Variants in PTPRN2 observed in about 807,000 individuals in gnomAD.
PTPRN2 encodes the protein protein tyrosine phosphatase receptor type N2.
Under a neutral mutation model 118.8 loss-of-function variants are expected in PTPRN2, and 74 were observed. That is an observed-to-expected ratio of 0.62 (90% CI 0.52 to 0.76). The LOEUF is 0.76. Among genes scored for constraint, PTPRN2 ranks in the 30% least tolerant of loss-of-function variants. The probability of loss-of-function intolerance (pLI) is 0.00; values close to 1 mark genes in which losing one functional copy is unlikely to be tolerated. For missense variants in PTPRN2, 1,481 were observed against 1,394.4 expected (o/e 1.06, Z -0.99); for synonymous variants, 641 against 608.0 (o/e 1.05, Z -0.80).
chr7:157,560,233 G>T lies in PTPRN2; in HGVS notation c.2902+8669C>A, dbSNP rs1472557442. On this transcript the variant is annotated intron_variant, in intron 21 of 22. Transcript: ENST00000389418. The surrounding 1 kb of genome is among the most constrained non-coding windows in gnomAD (Gnocchi z 6.7). ...AGGGTCAGCCTGACCCCTTGAAGGT[G>T]GGAGACCCCTTGAAGGTGGGAGACC... Among the ~76,000 whole-genome samples the T allele has an allele frequency of 1.3e-5, 2 of 152,112 alleles. No homozygotes were observed. The highest frequency in any genetic ancestry group is 4.8e-5 in the African/African-American group (2 of 41,422).
At chr7:158,549,109 G>A (rs1046651051) in intron 1 of PTPRN2, among the ~76,000 whole-genome samples, 1 of 152,374 alleles carries the variant, frequency 6.6e-6, no homozygotes, top group South Asian at 2.1e-4. Flanking sequence ...CATCCAAGGC[G>A]AGCACAAGCG....
intron 11 of PTPRN2, among the ~76,000 whole-genome samples, chr7:158,073,015 C>T (rs1812058068): frequency 6.6e-6 from 1 of 152,120 alleles, no homozygotes; most frequent in Admixed American, 6.5e-5. Context: ...AGCTACAGGG[C>T]AGGACTCCTG....
Position 157,780,833 on chromosome 7 carries a change from G to A in PTPRN2, c.1789-97896C>T, listed in dbSNP as rs978540827. On this transcript the variant is annotated intron_variant, in intron 12 of 22. Coordinates refer to ENST00000389418, the MANE Select transcript of PTPRN2 (RefSeq NM_002847.5). The surrounding 1 kb of genome is among the most constrained non-coding windows in gnomAD (Gnocchi z 4.5). ...TGCCTCATCCGTGATGAGCTGCCCC[G>A]CGGGTCCCCACAGATCAATCAGGAC... 3.9e-5 allele frequency among the ~76,000 whole-genome samples: 6 copies of A among 152,142 alleles called. No individual in the cohort carries two copies. Among genetic ancestry groups the A allele is most frequent in the East Asian group, 1.9e-4 (1 of 5,180 alleles).
chr7:157,757,949 G>A (rs1263082630), intron 12 of PTPRN2, among the ~76,000 whole-genome samples: 1 of 152,228 alleles, frequency 6.6e-6, no homozygotes, highest in Non-Finnish European at 1.5e-5. Flanking sequence ...CAGCTCTCTG[G>A]TGCACTGAAA....
chr7:158,157,727 G>A (rs574071967), intron 6 of PTPRN2, among the ~76,000 whole-genome samples: 11 of 151,892 alleles, frequency 7.2e-5, no homozygotes, highest in Middle Eastern at 3.4e-3. Context: ...CCCTGTTCCC[G>A]CTATATAAGC....
intron 3 of PTPRN2, among the ~76,000 whole-genome samples, chr7:158,216,017 T>C (rs996255897): frequency 2.7e-5 from 4 of 149,464 alleles, no homozygotes; most frequent in Non-Finnish European, 5.9e-5. Flanking sequence ...TTAAACACCA[T>C]ACTACTGTCT....
At chr7:158,411,614 C>A (rs143198924) in intron 2 of PTPRN2, among the ~76,000 whole-genome samples, 2 of 152,334 alleles carry the variant, frequency 1.3e-5, no homozygotes, top group African/African-American at 4.8e-5. Flanking sequence ...AGAACTCACT[C>A]GCTGTCCTTG....
At chr7:157,888,993 T>C (rs1295415853) in intron 12 of PTPRN2, among the ~76,000 whole-genome samples, 1 of 152,226 alleles carries the variant, frequency 6.6e-6, no homozygotes, top group African/African-American at 2.4e-5. Context: ...GGGTAAGGGA[T>C]ACATGAGACT....
intron 11 of PTPRN2, among the ~76,000 whole-genome samples, chr7:157,998,617 G>A (rs1804966701): frequency 6.6e-6 from 1 of 152,186 alleles, no homozygotes. Context: ...GAAGTCAGGA[G>A]ATCGAGACCA....
intron 2 of PTPRN2, among the ~76,000 whole-genome samples, chr7:158,413,651 G>A (rs1403594321): frequency 6.6e-6 from 1 of 152,256 alleles, no homozygotes; most frequent in Non-Finnish European, 1.5e-5. Context: ...CCTCTCCCGG[G>A]AGGACTAACA....
intron 13 of PTPRN2, among the ~76,000 whole-genome samples, chr7:157,678,637 C>CCGAGA (rs1360987975): frequency 2.0e-5 from 3 of 152,192 alleles, no homozygotes; most frequent in African/African-American, 7.2e-5. Flanking sequence ...GCAGCAGCGA[C>CCGAGA]CGAGACGTGC....
chr7:158,144,076 G>A (rs969915337), intron 6 of PTPRN2, among the ~76,000 whole-genome samples: 2 of 152,202 alleles, frequency 1.3e-5, no homozygotes, highest in African/African-American at 4.8e-5. Context: ...TCTTCTGCAA[G>A]GCCCTGTGTT....
At chr7:158,294,234 T>C (rs145049679) in intron 3 of PTPRN2, among the ~76,000 whole-genome samples, 97 of 152,328 alleles carry the variant, frequency 6.4e-4, no homozygotes, top group African/African-American at 2.1e-3. Flanking sequence ...GTGGAAACAT[T>C]GTTATGTTGT....
intron 11 of PTPRN2, among the ~76,000 whole-genome samples, chr7:157,938,624 A>G (rs190905272): frequency 6.6e-6 from 1 of 152,246 alleles, no homozygotes; most frequent in East Asian, 1.9e-4. Context: ...AATTTTTACT[A>G]TTAGTCTTAC....
chr7:157,623,116 C>G (rs1803368159), intron 14 of PTPRN2, among the ~76,000 whole-genome samples: 1 of 152,200 alleles, frequency 6.6e-6, no homozygotes, highest in African/African-American at 2.4e-5. Context: ...GCTACACATT[C>G]TTTCTTTTGA....
intron 10 of PTPRN2, among the ~76,000 whole-genome samples, chr7:158,095,707 G>A (rs553255909): frequency 9.9e-5 from 15 of 152,168 alleles, no homozygotes; most frequent in Non-Finnish European, 2.1e-4. Context: ...AATACAGACT[G>A]AGGCCCTGCC....
chr7:157,879,244 C>G (rs1262721139), intron 12 of PTPRN2, among the ~76,000 whole-genome samples: 6 of 152,212 alleles, frequency 3.9e-5, no homozygotes, highest in Non-Finnish European at 8.8e-5. Flanking sequence ...CGTGCACCCA[C>G]ACTTACTCAC....
At chr7:158,476,565 G>C (rs1316567358) in intron 2 of PTPRN2, among the ~76,000 whole-genome samples, 1 of 152,234 alleles carries the variant, frequency 6.6e-6, no homozygotes, top group Non-Finnish European at 1.5e-5. Context: ...AGGGAGAGGA[G>C]AGAGAGGGGC....
chr7:158,430,922 C>G (rs1178248733), intron 2 of PTPRN2, among the ~76,000 whole-genome samples: 3 of 152,218 alleles, frequency 2.0e-5, no homozygotes. Context: ...CTGGCTGTGT[C>G]TGACCGTGGA....
Sources: allele counts gnomAD v4.1 joint callset (sites outside exome capture counted in the v4.1 genomes callset), GRCh38; gene constraint gnomAD v4.1.1; non-coding constraint Gnocchi (gnomAD v3.1); transcripts MANE v1.5; gene names NCBI Gene and HGNC (gene_info 2026-07-23, HGNC 2026-07-21).